The following GRAMD2B variants were observed in gnomAD, a reference collection of about 807,000 sequenced individuals.
The protein encoded by GRAMD2B is GRAM domain-containing protein 2B.
Under a neutral mutation model 59.2 loss-of-function variants are expected in GRAMD2B, and 41 were observed. That is an observed-to-expected ratio of 0.69 (90% CI 0.54 to 0.90). GRAMD2B has a LOEUF of 0.90. Among genes scored for constraint, GRAMD2B ranks in the 40% least tolerant of loss-of-function variants. The pLI is 0.00. For synonymous variants in GRAMD2B, 161 were observed against 182.7 expected, an observed-to-expected ratio of 0.88 and a Z score of 0.96; for missense variants, 424 against 500.5, an observed-to-expected ratio of 0.85 and a Z score of 1.46.
At chr5:126,480,939 C>T in intron 8 of GRAMD2B, 1 of 561,388 alleles carries the variant, frequency 1.8e-6, no homozygotes, top group Non-Finnish European at 3.2e-6. Flanking sequence ...ACCTAGTAGA[C>T]TATCTTGGTG....
intron 1 of GRAMD2B, among the ~76,000 whole-genome samples, chr5:126,460,667 C>T (rs1323524758): frequency 1.3e-5 from 2 of 152,192 alleles, no homozygotes; most frequent in East Asian, 1.9e-4. Context: ...TCCCAAGTAT[C>T]GTGGCCTGTG....
upstream of GRAMD2B, among the ~76,000 whole-genome samples, chr5:126,366,846 C>CTTTTTTTTTTTT (rs59718576): frequency 1.9e-5 from 2 of 107,682 alleles, no homozygotes; most frequent in Non-Finnish European, 1.8e-5. Context: ...CAGACCAAGG[C>CTTTTTTTTTTTT]TTTTTTTTTT....
chr5:126,417,688 C>G (rs1759375982), intron 1 of GRAMD2B, among the ~76,000 whole-genome samples: 2 of 152,212 alleles, frequency 1.3e-5, no homozygotes. Flanking sequence ...CTGCAAAATG[C>G]AGCCACCAAA....
At chr5:126,490,653 G>T (rs1773760492) in intron 13 of GRAMD2B, among the ~76,000 whole-genome samples, 1 of 152,156 alleles carries the variant, frequency 6.6e-6, no homozygotes, top group African/African-American at 2.4e-5. Context: ...TGCTCTTTTT[G>T]ATTCATCTGC....
intron 1 of GRAMD2B, among the ~76,000 whole-genome samples, chr5:126,428,109 T>C (rs1402020043): frequency 6.6e-6 from 1 of 152,098 alleles, no homozygotes; most frequent in Non-Finnish European, 1.5e-5. Context: ...GGTTCATGCC[T>C]GTAATCCCAA....
chr5:126,401,710 A>G (rs973506018), intron 1 of GRAMD2B, among the ~76,000 whole-genome samples: 50 of 152,092 alleles, frequency 3.3e-4, no homozygotes, highest in African/African-American at 1.2e-3. Flanking sequence ...TTTTATGGAA[A>G]CATCTGAATA....
At chr5:126,442,957 T>A (rs1763551136) in intron 1 of GRAMD2B, among the ~76,000 whole-genome samples, 1 of 152,216 alleles carries the variant, frequency 6.6e-6, no homozygotes, top group Admixed American at 6.5e-5. Context: ...TCCGAATTAC[T>A]AAGTATTTGG....
chr5:126,421,100 T>G (rs1319304306), upstream of GRAMD2B, among the ~76,000 whole-genome samples: 2 of 151,870 alleles, frequency 1.3e-5, no homozygotes, highest in Non-Finnish European at 2.9e-5. Flanking sequence ...AAAGAAAGAG[T>G]TATTGTTTAA....
intron 11 of GRAMD2B, among the ~76,000 whole-genome samples, chr5:126,486,053 T>C (rs1772851003): frequency 6.6e-6 from 1 of 152,092 alleles, no homozygotes; most frequent in East Asian, 1.9e-4. Flanking sequence ...CCCTTGTTAT[T>C]TTTTTTACCT....
chr5:126,454,291 C>T (rs62394661), intron 1 of GRAMD2B, among the ~76,000 whole-genome samples: 4,381 of 152,192 alleles, frequency 0.029, 88 homozygotes, highest in Non-Finnish European at 0.043. Flanking sequence ...GGCCGTGTCT[C>T]AGGAGGATGA....
chr5:126,486,530 A>G (rs1772946451), intron 11 of GRAMD2B, among the ~76,000 whole-genome samples: 1 of 152,232 alleles, frequency 6.6e-6, no homozygotes, highest in Non-Finnish European at 1.5e-5. Flanking sequence ...ACCAGAGAAC[A>G]TGGCTAAGAT....
chr5:126,408,585 G>A (rs529143040), intron 1 of GRAMD2B, among the ~76,000 whole-genome samples: 1 of 151,028 alleles, frequency 6.6e-6, no homozygotes, highest in Non-Finnish European at 1.5e-5. Context: ...CCTTGAATGT[G>A]GCCTGATTTG....
intron 1 of GRAMD2B, among the ~76,000 whole-genome samples, chr5:126,457,173 C>T (rs552029888): frequency 6.3e-4 from 69 of 109,846 alleles, no homozygotes; most frequent in African/African-American, 2.4e-3. Flanking sequence ...GCAGAGGCGA[C>T]AGTGCGAGAC....
At position 126,372,369 on chromosome 5, in the gene GRAMD2B, A is replaced by G. The variant is rs572439494; in HGVS notation, c.125+802A>G. ...CCCCACACCCAAACTTTACTTTTTG[A>G]CAGCACCATATCCAGAAATTCAAGA... On this transcript the variant is annotated intron_variant, in intron 1 of 8. Transcript: ENST00000506445. Among the ~76,000 whole-genome samples, 6 of 152,304 alleles carry G rather than the reference A, an allele frequency of 3.9e-5. No homozygotes were observed. In the South Asian group the frequency reaches 1.2e-3, roughly 32 times the overall value.
intron 1 of GRAMD2B, among the ~76,000 whole-genome samples, chr5:126,390,246 C>T (rs1403138638): frequency 2.6e-5 from 4 of 152,056 alleles, no homozygotes; most frequent in Non-Finnish European, 5.9e-5. Flanking sequence ...TTATTATGGC[C>T]CTAACCTGCT....
At chr5:126,492,388 CTCTT>C (rs1167072164) in intron 13 of GRAMD2B, among the ~76,000 whole-genome samples, 1 of 151,550 alleles carries the variant, frequency 6.6e-6, no homozygotes, top group Non-Finnish European at 1.5e-5. Context: ...CTGCCATTCT[CTCTT>C]TTTTTTTTTT....
intron 1 of GRAMD2B, among the ~76,000 whole-genome samples, chr5:126,405,855 C>T (rs1758220688): frequency 6.6e-6 from 1 of 151,822 alleles, no homozygotes; most frequent in South Asian, 2.1e-4. Flanking sequence ...ATTCATAAAC[C>T]ATGACTGATA....
At chr5:126,376,407 G>C (rs72782463) in intron 1 of GRAMD2B, among the ~76,000 whole-genome samples, 1,754 of 152,296 alleles carry the variant, frequency 0.012, 18 homozygotes, top group South Asian at 0.018. Context: ...TCCATTTAGT[G>C]GCTCCAATGC....
intron 1 of GRAMD2B, among the ~76,000 whole-genome samples, chr5:126,394,763 G>A (rs949550545): frequency 2.6e-5 from 4 of 152,166 alleles, no homozygotes; most frequent in African/African-American, 7.2e-5. Flanking sequence ...TATACATACA[G>A]ATAGAAACTG....
Sources: gnomAD v4.1 joint callset for allele counts (sites outside exome capture counted in the v4.1 genomes callset) on GRCh38, gnomAD v4.1.1 for gene constraint, MANE v1.5 for transcripts, NCBI Gene and HGNC (gene_info 2026-07-23, HGNC 2026-07-21) for gene names.